PLG: variants seen among roughly 807,000 people sequenced by gnomAD.
PLG encodes the protein plasmin.
In PLG, 41 loss-of-function variants were observed where a neutral mutation model predicts 104.4. The observed-to-expected ratio is 0.39, with a 90% CI of 0.31 to 0.51. PLG has a LOEUF of 0.51. Ranked by LOEUF, PLG falls within the 20% of genes least tolerant of loss-of-function variation. The pLI is 0.76. For synonymous variants in PLG, 337 were observed against 357.1 expected, an observed-to-expected ratio of 0.94 and a Z score of 0.63; for missense variants, 891 against 1,003.6, an observed-to-expected ratio of 0.89 and a Z score of 1.52.
Position 160,752,289 on chromosome 6 carries a change from G to C in PLG, c.2271+29G>C. On this transcript the variant is annotated intron_variant, in intron 18 of 18. Coordinates refer to ENST00000308192, the MANE Select transcript of PLG (RefSeq NM_000301.5). This position sits in a 1 kb window ranked among gnomAD's most constrained non-coding sequence, Gnocchi z 4.7. ...AGCAAAGATCAAGAGACCAAAGTTAGTCTTGTGCTCTCTTGTCTCAGTCTC... is the reference window on the plus strand; with the variant it reads ...AGCAAAGATCAAGAGACCAAAGTTACTCTTGTGCTCTCTTGTCTCAGTCTC... 2.5e-6 allele frequency: 4 copies of C among 1,604,314 alleles called. No individual in the cohort carries two copies. The highest frequency in any genetic ancestry group is 3.4e-6 in the Non-Finnish European group (4 of 1,171,156).
At chr6:160,716,792 G>A in intron 7 of PLG, 29 bp downstream of exon 7, 1 of 1,265,262 alleles carries the variant, frequency 7.9e-7, no homozygotes, top group East Asian at 2.3e-5. Context: ...CAGATTCCAG[G>A]ATTTGGACCT....
At chr6:160,733,575 C>G (rs765769691) in intron 12 of PLG, among the ~76,000 whole-genome samples, 14 of 151,940 alleles carry the variant, frequency 9.2e-5, no homozygotes, top group Non-Finnish European at 1.5e-4. Context: ...CATGGTGGCT[C>G]ACACCTGTAA....
rs369121731 is a variant in PLG, at chr6:160,731,378, ACT to A, written c.1438+152_1438+153del. ...GCCATGTGGAAGGAAGCCTCAGTGC[ACT>A]CTCTCAAGGAGGCAGAGGTGTGACT... On this transcript the variant is annotated intron_variant, in intron 11 of 18. Coordinates refer to ENST00000308192, the MANE Select transcript of PLG (RefSeq NM_000301.5). The surrounding 1 kb of genome is among the most constrained non-coding windows in gnomAD (Gnocchi z 5.1). The A allele has an allele frequency of 4.2e-4, 338 of 798,174 alleles. 4 individuals carry two copies. In the South Asian group the frequency reaches 4.7e-3, roughly 11 times the overall value. The allele number at this position is 798,174 out of a possible 1,614,324, so 49.4% of individuals were successfully genotyped here.
chr6:160,709,975 TTTC>T (rs1427782984), intron 3 of PLG, among the ~76,000 whole-genome samples: 1 of 152,222 alleles, frequency 6.6e-6, no homozygotes, highest in African/African-American at 2.4e-5. Context: ...AGCAGAGGCT[TTTC>T]TTCTTCGAAT....
At chr6:160,707,537 A>G (rs1777551876) in intron 2 of PLG, among the ~76,000 whole-genome samples, 163 bp from the exon 3 acceptor site, 1 of 152,198 alleles carries the variant, frequency 6.6e-6, no homozygotes, top group Non-Finnish European at 1.5e-5. Flanking sequence ...TTTGTTCAGT[A>G]CTTCATCGAT....
rs373572362 is a variant in PLG at position 160,752,076 on chromosome 6, T to G, written c.2126-39T>G. ...CTGGAATATCCTCCTGAATGTGTTT[T>G]GGGTGCAGTTGCCATTTCTTTCATC... On this transcript the variant is annotated intron_variant, in intron 17 of 18. Transcript: ENST00000308192. The surrounding 1 kb of genome is among the most constrained non-coding windows in gnomAD (Gnocchi z 4.7). 3.1e-6 allele frequency: 5 copies of G among 1,598,466 alleles called. No homozygotes were observed. In the South Asian group the frequency reaches 4.4e-5, roughly 14 times the overall value.
chr6:160,733,631 G>A (rs1778037524), intron 12 of PLG, among the ~76,000 whole-genome samples: 1 of 152,082 alleles, frequency 6.6e-6, no homozygotes, highest in Non-Finnish European at 1.5e-5. Context: ...CCTGAGGTCA[G>A]GAGTTCGAGA....
chr6:160,730,154 T>TC (rs373215131), intron 10 of PLG, among the ~76,000 whole-genome samples: 20 of 152,210 alleles, frequency 1.3e-4, no homozygotes, highest in African/African-American at 4.3e-4. Flanking sequence ...TTCTCCAAGA[T>TC]CCCCCCCAGC....
chr6:160,718,635 T>G (rs1327092872), intron 8 of PLG, 58 bp from the exon 9 acceptor site: 14 of 1,566,464 alleles, frequency 8.9e-6, no homozygotes, highest in Non-Finnish European at 1.1e-5. Flanking sequence ...TCTCAAAGCG[T>G]GGTTCCCTAG....
In PLG at chr6:160,737,217, C is replaced by A. The variant is rs1778099468; in HGVS notation, c.1802+210C>A. The stretch of plus-strand genomic sequence containing the variant: ...CTGTGAAAATGACAAAAATTGCTGT[C>A]TTTTTCTTGATCTGGGCAGCTCCAT... On this transcript the variant is annotated intron_variant, in intron 14 of 18. Transcript: ENST00000308192. The surrounding 1 kb of genome is among the most constrained non-coding windows in gnomAD (Gnocchi z 4.7). Among the ~76,000 whole-genome samples, 1 of 152,078 alleles carries A rather than the reference C, an allele frequency of 6.6e-6. No homozygotes were observed. Among genetic ancestry groups the A allele is most frequent in the South Asian group, 2.1e-4 (1 of 4,828 alleles).
chr6:160,748,404 G>A (rs989271572), intron 17 of PLG, among the ~76,000 whole-genome samples: 1 of 59,964 alleles, frequency 1.7e-5, no homozygotes, highest in Non-Finnish European at 3.1e-5. Flanking sequence ...AAGAAAGGAA[G>A]AAAGAAAGAA....
chr6:160,718,237 C>A (rs572068997), intron 7 of PLG, 57 bp from the exon 8 acceptor site: 10 of 1,458,214 alleles, frequency 6.9e-6, no homozygotes, highest in Middle Eastern at 3.5e-4. Context: ...GGCGACAGAG[C>A]GAGACTCCGT....
At position 160,711,098 on chromosome 6, in the gene PLG, C is replaced by G; in HGVS notation, c.314C>G (p.Thr105Ser). 1 of 1,612,610 alleles carries G rather than the reference C, an allele frequency of 6.2e-7. No individual in the cohort carries two copies. The highest frequency in any genetic ancestry group is 8.5e-7 in the Non-Finnish European group (1 of 1,178,652). ...EKKVYLSECK[T>S]GNGKNYRGTM... is the part of the protein sequence containing the mutation. Reference sequence around the variant, plus strand: ...TCAGTGTATCTCTCAGAGTGCAAGACTGGGAATGGAAAGAACTACAGAGGG... The same window carrying G: ...TCAGTGTATCTCTCAGAGTGCAAGAGTGGGAATGGAAAGAACTACAGAGGG... Residue 105 changes from threonine to serine, a missense_variant, in exon 4 of 19, where the codon ACT becomes AGT. This residue lies in a region of PLG where 854 missense variants were observed against 932.1 expected (regional missense o/e 0.92). Transcript: ENST00000308192.
chr6:160,721,543 C>T (rs575275805), intron 9 of PLG, among the ~76,000 whole-genome samples: 2 of 152,184 alleles, frequency 1.3e-5, no homozygotes, highest in African/African-American at 2.4e-5. Flanking sequence ...GAGTTTTCTC[C>T]GTGTTCCTAT....
intron 10 of PLG, among the ~76,000 whole-genome samples, chr6:160,728,407 G>A (rs899575989): frequency 1.5e-3 from 7 of 4,738 alleles, no homozygotes; most frequent in African/African-American, 4.1e-3. Context: ...CTCAGCAGTC[G>A]TTTTTTTTAA....
rs1777919387 is a variant in PLG at position 160,726,246 on chromosome 6, T to G, written c.1256+3679T>G. 6.6e-6 allele frequency among the ~76,000 whole-genome samples: 1 copy of G among 152,048 alleles called. No homozygotes were observed. The highest frequency in any genetic ancestry group is 1.5e-5 in the Non-Finnish European group (1 of 67,942). On this transcript the variant is annotated intron_variant, in intron 10 of 18. Transcript: ENST00000308192. This position sits in a 1 kb window ranked among gnomAD's most constrained non-coding sequence, Gnocchi z 4.4. ...AAGAATTAAAATGATACAGAGTCTG[T>G]TTTTGAGCAAAACAGAATTAAATGA...
intron 1 of PLG, among the ~76,000 whole-genome samples, chr6:160,703,715 TG>T (rs1777467155): frequency 6.6e-6 from 1 of 152,052 alleles, no homozygotes; most frequent in Non-Finnish European, 1.5e-5. Flanking sequence ...TGGTGTATGT[TG>T]GGGGGTATGA....
Position 160,725,830 on chromosome 6 carries a change from C to G in PLG, c.1256+3263C>G, listed in dbSNP as rs913162465. ...GTGGTAATGTTAATCCCAAAGTAAT[C>G]TACAAGAAATAATACCACGATGAAA... is the stretch of plus-strand genomic sequence containing the variant. On this transcript the variant is annotated intron_variant, in intron 10 of 18. Transcript: ENST00000308192. The surrounding 1 kb of genome is among the most constrained non-coding windows in gnomAD (Gnocchi z 6.3). Among the ~76,000 whole-genome samples, 1 of 151,908 alleles carries G rather than the reference C, an allele frequency of 6.6e-6. No homozygotes were observed. Among genetic ancestry groups the G allele is most frequent in the Non-Finnish European group, 1.5e-5 (1 of 67,960 alleles).
rs1313663129 is a variant in PLG, at chr6:160,734,151, A to G, written c.1681+63A>G. The stretch of plus-strand genomic sequence containing the variant: ...TAATATGGATTTGCAACAAAAAAGG[A>G]AAAGGGCTTCTGAGCAGACTGCTTC... On this transcript the variant is annotated intron_variant, in intron 13 of 18. Transcript: ENST00000308192. This position sits in a 1 kb window ranked among gnomAD's most constrained non-coding sequence, Gnocchi z 4.4. 1 of 942,334 alleles carries G rather than the reference A, an allele frequency of 1.1e-6. No homozygotes were observed. Among genetic ancestry groups the G allele is most frequent in the Non-Finnish European group, 1.7e-6 (1 of 575,454 alleles). The allele number at this position is 942,334 out of a possible 1,614,324, so 58.4% of individuals were successfully genotyped here.
Sources: gnomAD v4.1 joint callset for allele counts (sites outside exome capture counted in the v4.1 genomes callset) on GRCh38, gnomAD v4.1.1 for gene constraint, gnomAD v4.1.1 regional missense constraint, Gnocchi (gnomAD v3.1) non-coding constraint, MANE v1.5 for transcripts, NCBI Gene and HGNC (gene_info 2026-07-23, HGNC 2026-07-21) for gene names.